CNTLN: variants seen among roughly 807,000 people sequenced by gnomAD.
CNTLN encodes the protein centlein.
Under a neutral mutation model 180.0 loss-of-function variants are expected in CNTLN, and 212 were observed. The ratio of observed to expected loss-of-function variants is 1.18; its 90% CI spans 1.05 to 1.32. CNTLN has a LOEUF of 1.32. Ranked by LOEUF, CNTLN falls within the 40% of genes most tolerant of loss-of-function variation. CNTLN has a pLI of 0.00. For synonymous variants in CNTLN, 722 were observed against 563.1 expected, an observed-to-expected ratio of 1.28 and a Z score of -3.99; for missense variants, 2,095 against 1,610.9, an observed-to-expected ratio of 1.30 and a Z score of -5.14.
intron 25 of CNTLN, among the ~76,000 whole-genome samples, chr9:17,488,317 T>C (rs934729105): frequency 7.9e-5 from 12 of 152,246 alleles, no homozygotes; most frequent in African/African-American, 2.9e-4. Flanking sequence ...TTACACTGAC[T>C]ACTTGCTTTT....
At chr9:17,445,053 G>A (rs1030001825) in intron 18 of CNTLN, among the ~76,000 whole-genome samples, 2 of 151,950 alleles carry the variant, frequency 1.3e-5, no homozygotes, top group Non-Finnish European at 2.9e-5. Flanking sequence ...AATGGTATCA[G>A]TAACTTTTTA....
chr9:17,155,991 C>G (rs1161969469), intron 2 of CNTLN, among the ~76,000 whole-genome samples: 1 of 152,122 alleles, frequency 6.6e-6, no homozygotes, highest in East Asian at 1.9e-4. Context: ...GGAGAAAATT[C>G]CCCCACCCCT....
the CNTLN span, among the ~76,000 whole-genome samples, chr9:17,511,648 TCACACACACACA>T: frequency 7.3e-3 from 1,067 of 146,684 alleles, 6 homozygotes; most frequent in East Asian, 0.012. Context: ...TCTCTCTCTC[TCACACACACACA>T]CACACACACA....
intron 18 of CNTLN, among the ~76,000 whole-genome samples, chr9:17,444,518 T>C (rs1342470000): frequency 6.6e-6 from 1 of 152,188 alleles, no homozygotes; most frequent in African/African-American, 2.4e-5. Context: ...TGCCAATCAT[T>C]GTGGCACTCA....
intron 7 of CNTLN, chr9:17,301,740 T>C: frequency 1.0e-6 from 1 of 955,058 alleles, no homozygotes; most frequent in Non-Finnish European, 1.2e-6. Flanking sequence ...ATAAATTTTG[T>C]CTACAGTTAG....
chr9:17,393,947 G>A (rs1355978299), intron 14 of CNTLN, among the ~76,000 whole-genome samples: 1 of 151,960 alleles, frequency 6.6e-6, no homozygotes, highest in Non-Finnish European at 1.5e-5. Context: ...AAATAAATGG[G>A]AAAATTTTAA....
At chr9:17,158,965 T>C (rs371267175) in intron 2 of CNTLN, among the ~76,000 whole-genome samples, 18 of 152,266 alleles carry the variant, frequency 1.2e-4, no homozygotes, top group African/African-American at 4.1e-4. Flanking sequence ...TTCCTTGATA[T>C]AGGCATTTAT....
intron 3 of CNTLN, among the ~76,000 whole-genome samples, chr9:17,233,892 G>T (rs1213030228): frequency 6.6e-6 from 1 of 152,088 alleles, no homozygotes; most frequent in Non-Finnish European, 1.5e-5. Flanking sequence ...GCAAGGCAAA[G>T]ATAAGAATCA....
At chr9:17,508,422 A>T (rs1833971626), downstream of CNTLN, among the ~76,000 whole-genome samples, 1 of 152,194 alleles carries the variant, frequency 6.6e-6, no homozygotes, top group African/African-American at 2.4e-5. Context: ...TAGACCATAG[A>T]TGGATTTAAG....
chr9:17,207,004 G>A lies in CNTLN; in HGVS notation c.450-19199G>A, dbSNP rs373518440. ...CTCCTTGTCTGTGCACTGATGAGTA[G>A]TGGACTCTGGAGCCCAGGCTGTTGC... On this transcript the variant is annotated intron_variant, in intron 2 of 25. Coordinates refer to ENST00000380647, the MANE Select transcript of CNTLN (RefSeq NM_017738.4). Among the ~76,000 whole-genome samples the A allele has an allele frequency of 1.2e-4, 19 of 152,274 alleles. 1 individual carries two copies. In the South Asian group the frequency reaches 4.0e-3, roughly 32 times the overall value.
Position 17,296,713 on chromosome 9 carries a change from C to T in CNTLN, c.984-1477C>T, listed in dbSNP as rs76856009. 6.1e-3 allele frequency among the ~76,000 whole-genome samples: 932 copies of T among 152,102 alleles called. 17 individuals are homozygous for T. Among genetic ancestry groups the T allele is most frequent in the African/African-American group, 0.021 (885 of 41,506 alleles). Reference sequence around the variant, plus strand: ...TGAAGGCATTGTGCCATTATTGGTTCTCTTCTCTCCCCTTTCCCGTTTTTG... The same window carrying T: ...TGAAGGCATTGTGCCATTATTGGTTTTCTTCTCTCCCCTTTCCCGTTTTTG... On this transcript the variant is annotated intron_variant, in intron 6 of 25. Coordinates refer to ENST00000380647, the MANE Select transcript of CNTLN (RefSeq NM_017738.4).
chr9:17,447,294 A>G (rs1371237767), intron 18 of CNTLN: 1 of 203,708 alleles, frequency 4.9e-6, no homozygotes, highest in South Asian at 9.6e-5. Context: ...TGGCAGATAC[A>G]TTCAGCCAGC....
chr9:17,340,926 C>A lies in CNTLN; in HGVS notation c.1744C>A (p.Gln582Lys). The A allele has an allele frequency of 6.2e-7, 1 of 1,610,464 alleles. No homozygotes were observed. The highest frequency in any genetic ancestry group is 8.5e-7 in the Non-Finnish European group (1 of 1,178,184). Residue 582 changes from glutamine to lysine, a missense_variant, in exon 11 of 26, where the codon CAG (glutamine) becomes AAG (lysine). Coordinates refer to ENST00000380647, the MANE Select transcript of CNTLN (RefSeq NM_017738.4). ...NYRAVKEQLKQWEEGSGMTEI... is the reference protein window; with the variant it reads ...NYRAVKEQLKKWEEGSGMTEI... ...CAGAGCAGTAAAAGAGCAATTAAAA[C>A]AGTGGGAAGAAGGCAGTGGCATGTG...
In CNTLN at chr9:17,330,807, AG is replaced by A. The variant is rs1820595177; in HGVS notation, c.1518+1del. ...SIMTSAEGKHKEPPVKRSRSL... is the reference protein window; with the variant it reads ...SIMTSAEGKHXEPPVKRSRSL... ...ATGACAAGTGCTGAAGGAAAACATA[AG>A]GTAGGGACATTTTGTCATTTTGTGA... is the stretch of plus-strand genomic sequence containing the variant. On this transcript the variant is annotated frameshift_variant and splice_region_variant, in exon 9 of 26. Coordinates refer to ENST00000380647, the MANE Select transcript of CNTLN (RefSeq NM_017738.4). LOFTEE classifies it high-confidence loss of function. 6.3e-7 allele frequency: 1 copy of A among 1,596,356 alleles called. No individual in the cohort carries two copies. Among genetic ancestry groups the A allele is most frequent in the African/African-American group, 1.4e-5 (1 of 73,762 alleles).
Position 17,464,584 on chromosome 9 carries a change from C to T in CNTLN, c.3492C>T (p.Asn1164=), listed in dbSNP as rs61733823. The T allele has an allele frequency of 1.7e-3, 2,519 of 1,494,042 alleles. 39 individuals carry two copies. In the African/African-American group the frequency reaches 0.033, roughly 20 times the overall value. The allele number at this position is 1,494,042 out of a possible 1,614,324, so 92.5% of individuals were successfully genotyped here. A position where few individuals can be genotyped will look rare whatever the true frequency, so the allele number is the denominator to read the frequency against. ...KFRQKVNLES[N]KSFSEMLQNL... ...GACAGAAAGTAAATTTGGAAAGTAA[C>T]AAGAGTTTTAGTGAAATGTTACAAA... The change falls in exon 21 of 26, where the codon AAC becomes AAT. Residue 1164 remains asparagine, a synonymous_variant. Coordinates refer to ENST00000380647, the MANE Select transcript of CNTLN (RefSeq NM_017738.4).
chr9:17,154,974 C>T (rs756710864), intron 2 of CNTLN, among the ~76,000 whole-genome samples: 8 of 152,140 alleles, frequency 5.3e-5, no homozygotes, highest in East Asian at 1.9e-4. Flanking sequence ...ACACTCACTG[C>T]GAAGGTCTAC....
intron 23 of CNTLN, among the ~76,000 whole-genome samples, chr9:17,483,253 A>G (rs1332064948): frequency 1.3e-5 from 2 of 152,176 alleles, no homozygotes; most frequent in Admixed American, 1.3e-4. Context: ...GAGAGAAATG[A>G]AACTTTAAAA....
intron 15 of CNTLN, among the ~76,000 whole-genome samples, chr9:17,398,895 CAT>C (rs1826744344): frequency 6.6e-6 from 1 of 152,158 alleles, no homozygotes; most frequent in African/African-American, 2.4e-5. Context: ...AAAAGCAGTA[CAT>C]ACATTTACCA....
At chr9:17,294,486 A>C (rs1421381776) in intron 6 of CNTLN, among the ~76,000 whole-genome samples, 1 of 151,662 alleles carries the variant, frequency 6.6e-6, no homozygotes, top group Non-Finnish European at 1.5e-5. Context: ...CCTGAGGTAG[A>C]CACACGGTGC....
Sources: allele counts gnomAD v4.1 joint callset (sites outside exome capture counted in the v4.1 genomes callset), GRCh38; gene constraint gnomAD v4.1.1; transcripts MANE v1.5; gene names NCBI Gene and HGNC (gene_info 2026-07-23, HGNC 2026-07-21).